The following LY75 variants were observed in gnomAD, a reference collection of about 807,000 sequenced individuals.
The protein encoded by LY75 is C-type lectin domain family 13 member B.
LY75 carries 185 observed loss-of-function variants against 231.7 expected under a neutral mutation model. The ratio of observed to expected loss-of-function variants is 0.80; its 90% confidence interval spans 0.71 to 0.90. The LOEUF (loss-of-function observed/expected upper bound fraction) is 0.90, where lower values mean the gene tolerates loss of function less well. Among genes scored for constraint, LY75 ranks in the 40% least tolerant of loss-of-function variants. LY75 has a pLI of 0.00. For synonymous variants in LY75, 668 were observed against 689.0 expected (o/e 0.97, Z 0.48); for missense variants, 1,947 against 2,050.2 (o/e 0.95, Z 0.97).
intron 8 of LY75, among the ~76,000 whole-genome samples, chr2:159,880,693 A>G (rs1685408345): frequency 6.6e-6 from 1 of 152,232 alleles, no homozygotes. Context: ...CCAACCTTTG[A>G]CACCAGGGAC....
chr2:159,874,942 T>TA (rs1447038191), intron 12 of LY75, among the ~76,000 whole-genome samples: 1 of 139,956 alleles, frequency 7.1e-6, no homozygotes, highest in Admixed American at 7.4e-5. Flanking sequence ...ATATATATTG[T>TA]AAATATATTT....
intron 22 of LY75, 92 bp downstream of exon 22, chr2:159,850,270 T>A: frequency 6.6e-7 from 1 of 1,525,676 alleles, no homozygotes; most frequent in Non-Finnish European, 8.8e-7. Flanking sequence ...AGAAGTTTAA[T>A]AAGAATTTTT....
intron 32 of LY75, among the ~76,000 whole-genome samples, chr2:159,808,896 A>G (rs1044145014): frequency 6.6e-6 from 1 of 152,202 alleles, no homozygotes; most frequent in Non-Finnish European, 1.5e-5. Flanking sequence ...TAACCTCCCA[A>G]TGCCACTTAG....
chr2:159,824,680 C>T (rs1473047038), intron 28 of LY75, among the ~76,000 whole-genome samples: 1 of 152,180 alleles, frequency 6.6e-6, no homozygotes, highest in Non-Finnish European at 1.5e-5. Context: ...AGCACCTCAT[C>T]GCACTTATTC....
intron 4 of LY75, among the ~76,000 whole-genome samples, chr2:159,889,843 C>T (rs1223527203): frequency 6.6e-6 from 1 of 152,136 alleles, no homozygotes; most frequent in Non-Finnish European, 1.5e-5. Flanking sequence ...TTTACTGAGG[C>T]CATCTAGTGT....
At chr2:159,880,687 C>G (rs1303520165) in intron 8 of LY75, among the ~76,000 whole-genome samples, 3 of 152,208 alleles carry the variant, frequency 2.0e-5, no homozygotes, top group African/African-American at 4.8e-5. Flanking sequence ...TTGTTGCCAA[C>G]CTTTGACACC....
chr2:159,866,505 A>G (rs367817436), intron 13 of LY75, among the ~76,000 whole-genome samples: 77 of 152,292 alleles, frequency 5.1e-4, no homozygotes, highest in African/African-American at 1.6e-3. Flanking sequence ...AGATATATCC[A>G]GTGGAGACAA....
chr2:159,887,125 T>C (rs1685610393), intron 4 of LY75, among the ~76,000 whole-genome samples: 1 of 147,890 alleles, frequency 6.8e-6, no homozygotes, highest in South Asian at 2.1e-4. Context: ...ATATATTATA[T>C]ATAATATAAC....
In LY75 at chr2:159,898,978, C is replaced by G; in HGVS notation, c.176G>C (p.Cys59Ser). The change falls in exon 2 of 35, where the codon TGT becomes TCT. Residue 59 changes from cysteine to serine, a missense_variant. Physicochemically the swap from Cys to Ser is moderately radical, Grantham distance 112 (BLOSUM62 -1). Transcript: ENST00000263636. ...PVYGWIVADDCDETEDKLWKW... is the reference protein window; with the variant it reads ...PVYGWIVADDSDETEDKLWKW... ...CCATAACTTGTCCTCAGTTTCATCA[C>G]AGTCGTCTGCTACTATCCAGCCATA... 1 of 1,614,262 alleles carries G rather than the reference C, an allele frequency of 6.2e-7. No individual in the cohort carries two copies.
At position 159,804,054 on chromosome 2, in the gene LY75, A is replaced by C. The variant is rs1682728158; in HGVS notation, c.*990T>G. The C allele has an allele frequency of 6.6e-6, 1 of 152,240 alleles. No homozygotes were observed. The highest frequency in any genetic ancestry group is 2.4e-5 in the African/African-American group (1 of 41,462). 9.4% of individuals were successfully genotyped at this position (152,240 alleles called of 1,614,324 possible). On this transcript the variant is annotated 3_prime_UTR_variant, in exon 35 of 35. Transcript: ENST00000263636. The stretch of plus-strand genomic sequence containing the variant: ...AAGGTACCTACTCAATCTAAAAATA[A>C]TGTTCCCACACTTGGGAAAATGTTA...
chr2:159,894,985 C>T (rs754130320), intron 2 of LY75, among the ~76,000 whole-genome samples: 4 of 152,214 alleles, frequency 2.6e-5, no homozygotes, highest in Non-Finnish European at 5.9e-5. Flanking sequence ...CTAAAAACCT[C>T]AGTCATTAAC....
chr2:159,853,423 GTTATT>G, intron 19 of LY75, 71 bp from the exon 20 acceptor site: 4 of 1,551,006 alleles, frequency 2.6e-6, no homozygotes, highest in Non-Finnish European at 3.5e-6. Flanking sequence ...TTTACTGTAA[GTTATT>G]TTATTTCTAA....
chr2:159,874,077 T>G (rs111215029), intron 12 of LY75, among the ~76,000 whole-genome samples: 2 of 138,798 alleles, frequency 1.4e-5, no homozygotes, highest in African/African-American at 5.2e-5. Context: ...TGTAAAAATA[T>G]ATAAACGTAT....
chr2:159,841,440 C>CA (rs1046536726), intron 24 of LY75, among the ~76,000 whole-genome samples: 22 of 150,478 alleles, frequency 1.5e-4, no homozygotes, highest in Non-Finnish European at 2.5e-4. Context: ...ATTAATTTAG[C>CA]AAAAAAAAAT....
At chr2:159,849,311 A>C (rs762994968) in intron 23 of LY75, among the ~76,000 whole-genome samples, 1 of 152,210 alleles carries the variant, frequency 6.6e-6, no homozygotes, top group Non-Finnish European at 1.5e-5. Context: ...AGTATAGAGA[A>C]CAGAAGCAGT....
intron 4 of LY75, 79 bp from the exon 5 acceptor site, chr2:159,886,609 C>T: frequency 7.2e-7 from 1 of 1,384,002 alleles, no homozygotes; most frequent in Non-Finnish European, 9.7e-7. Context: ...CTACTAATAA[C>T]AAACAAATCT....
In LY75 at chr2:159,834,292, T is replaced by C. The variant is rs1430454994; in HGVS notation, c.3674-81A>G. Reference sequence around the variant, plus strand: ...GTTTGCAGTCATTAGGCTTGATTTGTAGGAAATATTCAGGAAGCCGAGAAG... The same window carrying C: ...GTTTGCAGTCATTAGGCTTGATTTGCAGGAAATATTCAGGAAGCCGAGAAG... On this transcript the variant is annotated intron_variant, in intron 26 of 34. Transcript: ENST00000263636. The C allele has an allele frequency of 3.9e-6, 6 of 1,557,774 alleles. No individual in the cohort carries two copies. In the African/African-American group the frequency reaches 4.1e-5, roughly 11 times the overall value.
At chr2:159,877,009 C>CAAAAAAAAAAAAAAAAAAAAAAAAAA (rs58831835) in intron 11 of LY75, among the ~76,000 whole-genome samples, 3 of 90,526 alleles carry the variant, frequency 3.3e-5, no homozygotes, top group South Asian at 3.9e-4. Context: ...AACTCCATCT[C>CAAAAAAAAAAAAAAAAAAAAAAAAAA]AAAAAAAAAA....
intron 1 of LY75, 116 bp downstream of exon 1, chr2:159,904,473 A>T: frequency 8.4e-7 from 1 of 1,184,436 alleles, no homozygotes; most frequent in Non-Finnish European, 1.1e-6. Context: ...CCCCGCCCCA[A>T]CAGCAAAGCA....
Sources: allele counts gnomAD v4.1 joint callset (sites outside exome capture counted in the v4.1 genomes callset), GRCh38; gene constraint gnomAD v4.1.1; transcripts MANE v1.5; gene names NCBI Gene and HGNC (gene_info 2026-07-23, HGNC 2026-07-21).